The following ELAVL2 variants were observed in gnomAD, a reference collection of about 807,000 sequenced individuals.
ELAVL2 encodes the protein ELAV-like protein 2.
A neutral mutation model predicts 34.6 loss-of-function variants in ELAVL2; 4 were observed. That is an observed-to-expected ratio of 0.12 (90% CI 0.06 to 0.26). The LOEUF (loss-of-function observed/expected upper bound fraction) is 0.26, where lower values mean the gene tolerates loss of function less well. Ranked by LOEUF, ELAVL2 falls within the 10% of genes least tolerant of loss-of-function variation. ELAVL2 has a pLI of 1.00. For missense variants in ELAVL2, 432 were observed against 442.8 expected, an observed-to-expected ratio of 0.98 and a Z score of 0.22; for synonymous variants, 193 against 154.8, an observed-to-expected ratio of 1.25 and a Z score of -1.83.
intron 1 of ELAVL2, among the ~76,000 whole-genome samples, chr9:23,798,123 G>A (rs535139079): frequency 2.6e-5 from 4 of 152,290 alleles, no homozygotes; most frequent in African/African-American, 9.6e-5. Context: ...CCTTCAGGCA[G>A]GATGACAGAG....
At chr9:23,735,928 T>C (rs894250640) in intron 2 of ELAVL2, among the ~76,000 whole-genome samples, 2 of 152,302 alleles carry the variant, frequency 1.3e-5, no homozygotes, top group South Asian at 2.1e-4. Flanking sequence ...AAAGTGCTAC[T>C]GTGGGAAACA....
At position 23,813,560 on chromosome 9, in the gene ELAVL2, T is replaced by C. The variant is rs777291599; in HGVS notation, c.-16+12246A>G. On this transcript the variant is annotated intron_variant, in intron 1 of 6. Transcript: ENST00000397312. ...GTTTTTACAGCATCAAGTAGCAATGTTGACCCCAAAGCATCTGAATAAATA... is the reference window on the plus strand; with the variant it reads ...GTTTTTACAGCATCAAGTAGCAATGCTGACCCCAAAGCATCTGAATAAATA... 7.9e-5 allele frequency among the ~76,000 whole-genome samples: 12 copies of C among 152,224 alleles called. No homozygotes were observed. The South Asian group carries it at 2.3e-3, about 29-fold the overall frequency.
At chr9:23,784,973 A>T (rs1325329685) in intron 1 of ELAVL2, among the ~76,000 whole-genome samples, 1 of 152,246 alleles carries the variant, frequency 6.6e-6, no homozygotes, top group African/African-American at 2.4e-5. Context: ...AAAGTGAAAT[A>T]TATTCAATTT....
chr9:23,796,004 A>G (rs549857546), intron 1 of ELAVL2, among the ~76,000 whole-genome samples: 1 of 152,224 alleles, frequency 6.6e-6, no homozygotes, highest in Non-Finnish European at 1.5e-5. Flanking sequence ...AGATTTTGGA[A>G]TATTATGAAA....
intron 1 of ELAVL2, among the ~76,000 whole-genome samples, chr9:23,803,266 G>A (rs1022315496): frequency 2.0e-5 from 3 of 152,042 alleles, no homozygotes; most frequent in South Asian, 2.1e-4. Flanking sequence ...AAACATTGTC[G>A]GGGAAACATG....
intron 1 of ELAVL2, among the ~76,000 whole-genome samples, chr9:23,774,714 C>G (rs960176008): frequency 1.4e-5 from 2 of 145,696 alleles, no homozygotes; most frequent in Non-Finnish European, 3.0e-5. Flanking sequence ...TGCTTATGCT[C>G]AGGCTCTTGG....
chr9:23,722,085 AT>A (rs2043873918), intron 3 of ELAVL2, among the ~76,000 whole-genome samples: 1 of 152,200 alleles, frequency 6.6e-6, no homozygotes, highest in Admixed American at 6.5e-5. Context: ...TCCACAAGTA[AT>A]TCTAATGTAG....
chr9:23,766,966 A>G (rs1237134911), intron 1 of ELAVL2, among the ~76,000 whole-genome samples: 1 of 152,188 alleles, frequency 6.6e-6, no homozygotes, highest in African/African-American at 2.4e-5. Context: ...TAATGTTTCA[A>G]TATATATTCT....
intron 1 of ELAVL2, chr9:23,821,079 G>A (rs1438800970): frequency 1.3e-5 from 2 of 152,528 alleles, no homozygotes; most frequent in African/African-American, 2.4e-5. Context: ...CGTAGCAAGT[G>A]GGCACACACC....
chr9:23,714,964 C>T (rs914912792), intron 3 of ELAVL2, among the ~76,000 whole-genome samples: 4 of 152,154 alleles, frequency 2.6e-5, no homozygotes, highest in African/African-American at 7.2e-5. Flanking sequence ...TTCTTAAATA[C>T]GGCCAGAGAA....
intron 1 of ELAVL2, among the ~76,000 whole-genome samples, chr9:23,772,812 C>T (rs1203716602): frequency 6.6e-6 from 1 of 152,058 alleles, no homozygotes; most frequent in East Asian, 1.9e-4. Flanking sequence ...TCCTGAGATT[C>T]CCAAGACATG....
the ELAVL2 span, among the ~76,000 whole-genome samples, chr9:23,833,167 A>G: frequency 6.6e-6 from 1 of 151,832 alleles, no homozygotes; most frequent in Non-Finnish European, 1.5e-5. Flanking sequence ...TCCTTTCCAT[A>G]CCATTATTTT....
In ELAVL2 at chr9:23,704,981, C is replaced by G. The variant is rs1256772891; in HGVS notation, c.424G>C (p.Glu142Gln). 3.1e-6 allele frequency: 5 copies of G among 1,614,082 alleles called. No individual in the cohort carries two copies. Among genetic ancestry groups the G allele is most frequent in the Non-Finnish European group, 4.2e-6 (5 of 1,180,002 alleles). Residue 142 changes from glutamate to glutamine, a missense_variant, in exon 4 of 7, where the codon GAA becomes CAA. Glu to Gln is a conservative substitution (Grantham distance 29). This residue lies in a region of ELAVL2 where 295 missense variants were observed against 306.1 expected (regional missense o/e 0.96). Coordinates refer to ENST00000397312, the MANE Select transcript of ELAVL2 (RefSeq NM_004432.5). Reference sequence around the variant, plus strand: ...CGTCCATATTGTGAAAAAAGCTGTTCCAACTCCTTCTGGGTCATTGTTTTT... The same window carrying G: ...CGTCCATATTGTGAAAAAAGCTGTTGCAACTCCTTCTGGGTCATTGTTTTT... ...LPKTMTQKELEQLFSQYGRII... is the reference protein window; with the variant it reads ...LPKTMTQKELQQLFSQYGRII...
Position 23,790,883 on chromosome 9 carries a change from T to A in ELAVL2, c.-15-28634A>T, listed in dbSNP as rs537580976. Reference sequence around the variant, plus strand: ...TCCAACACAAACATCGCAGGTCTCCTGATGAACACTTAACCTCTACATGTT... The same window carrying A: ...TCCAACACAAACATCGCAGGTCTCCAGATGAACACTTAACCTCTACATGTT... On this transcript the variant is annotated intron_variant, in intron 1 of 6. Transcript: ENST00000397312. Among the ~76,000 whole-genome samples, 187 of 152,296 alleles carry A rather than the reference T, an allele frequency of 1.2e-3. 1 individual carries two copies. The highest frequency in any genetic ancestry group is 4.4e-3 in the African/African-American group (182 of 41,570).
Position 23,691,551 on chromosome 9 carries a change from G to C in ELAVL2, c.*1006C>G, listed in dbSNP as rs897206675. On this transcript the variant is annotated 3_prime_UTR_variant, in exon 7 of 7. Transcript: ENST00000397312. The stretch of plus-strand genomic sequence containing the variant: ...CATCTCTCGGTAATTTAAATTTCTT[G>C]CCTGCTCTTATATATTCTTTTGTAA... The C allele has an allele frequency of 3.9e-5, 6 of 152,194 alleles. No homozygotes were observed. The highest frequency in any genetic ancestry group is 1.5e-4 in the African/African-American group (6 of 41,338). 9.4% of individuals were successfully genotyped at this position (152,194 alleles called of 1,614,324 possible).
chr9:23,712,488 C>T (rs960095513), intron 3 of ELAVL2, among the ~76,000 whole-genome samples: 3 of 152,088 alleles, frequency 2.0e-5, no homozygotes, highest in South Asian at 4.1e-4. Flanking sequence ...TATAATTCTT[C>T]TACTAGTAAT....
At chr9:23,776,231 G>A (rs1028804282) in intron 1 of ELAVL2, among the ~76,000 whole-genome samples, 1 of 152,106 alleles carries the variant, frequency 6.6e-6, no homozygotes, top group Admixed American at 6.6e-5. Flanking sequence ...ATCTCTTTCC[G>A]CATATAGCTA....
the ELAVL2 span, among the ~76,000 whole-genome samples, chr9:23,841,237 G>A: frequency 2.0e-5 from 3 of 152,164 alleles, no homozygotes; most frequent in East Asian, 3.9e-4. Context: ...TGATGAGGAG[G>A]TGAGGAAACC....
At chr9:23,725,830 T>C (rs1318896654) in intron 3 of ELAVL2, among the ~76,000 whole-genome samples, 3 of 152,124 alleles carry the variant, frequency 2.0e-5, no homozygotes, top group Admixed American at 6.5e-5. Context: ...AAAGTTAACA[T>C]TTCTTCTTAA....
Sources: gnomAD v4.1 joint callset for allele counts (sites outside exome capture counted in the v4.1 genomes callset) on GRCh38, gnomAD v4.1.1 for gene constraint, gnomAD v4.1.1 regional missense constraint, MANE v1.5 for transcripts, NCBI Gene and HGNC (gene_info 2026-07-23, HGNC 2026-07-21) for gene names.